CDC42BPA: variants seen among roughly 807,000 people sequenced by gnomAD.
CDC42BPA encodes serine/threonine-protein kinase MRCK alpha.
Under a neutral mutation model 223.5 loss-of-function variants are expected in CDC42BPA, and 80 were observed. That is an observed-to-expected ratio of 0.36 (90% confidence interval 0.30 to 0.43). CDC42BPA has a LOEUF of 0.43. Among genes scored for constraint, CDC42BPA ranks in the 20% least tolerant of loss-of-function variants. The pLI is 1.00. For missense variants in CDC42BPA, 1,743 were observed against 2,099.9 expected (o/e 0.83, Z 3.32); for synonymous variants, 694 against 718.6 (o/e 0.97, Z 0.55).
intron 35 of CDC42BPA, among the ~76,000 whole-genome samples, chr1:226,999,608 C>T (rs1460551758): frequency 6.6e-6 from 1 of 152,098 alleles, no homozygotes; most frequent in Non-Finnish European, 1.5e-5. Flanking sequence ...GGTATATACT[C>T]AAAGGATTAT....
intron 1 of CDC42BPA, among the ~76,000 whole-genome samples, chr1:227,262,229 T>C (rs1684202805): frequency 6.6e-6 from 1 of 151,996 alleles, no homozygotes; most frequent in Non-Finnish European, 1.5e-5. Context: ...GAACAGAGAT[T>C]TGAAAATTAA....
chr1:227,020,313 C>T (rs1667132871), intron 32 of CDC42BPA, among the ~76,000 whole-genome samples: 1 of 152,190 alleles, frequency 6.6e-6, no homozygotes, highest in Non-Finnish European at 1.5e-5. Flanking sequence ...CCTTTGAAGC[C>T]AGACATTGAC....
intron 21 of CDC42BPA, 24 bp downstream of exon 21, chr1:227,069,753 A>G: frequency 6.6e-7 from 1 of 1,505,028 alleles, no homozygotes; most frequent in Non-Finnish European, 9.2e-7. Flanking sequence ...ACCCCAGAGG[A>G]TATGTGACAT....
rs1660954284 is a variant in CDC42BPA, at chr1:226,993,151, TCG to T, written c.*1115_*1116del. On this transcript the variant is annotated 3_prime_UTR_variant, in exon 37 of 37. Transcript: ENST00000366766. ...CATCTCCAGCCCTGGGACAGACACCTCGCTGTGACTTAGGGAGGGACAGGATT... is the reference window on the plus strand; with the variant it reads ...CATCTCCAGCCCTGGGACAGACACCTCTGTGACTTAGGGAGGGACAGGATT... 6.6e-6 allele frequency: 1 copy of T among 152,248 alleles called. No individual in the cohort carries two copies. Among genetic ancestry groups the T allele is most frequent in the Non-Finnish European group, 1.5e-5 (1 of 68,042 alleles). The allele number at this position is 152,248 out of a possible 1,614,324, so 9.4% of individuals were successfully genotyped here. A position where few individuals can be genotyped will look rare whatever the true frequency, so the allele number is the denominator to read the frequency against.
At chr1:227,015,943 C>T (rs1265466571) in intron 34 of CDC42BPA, 137 bp downstream of exon 34, 2 of 621,338 alleles carry the variant, frequency 3.2e-6, no homozygotes, top group Non-Finnish European at 2.9e-6. Context: ...GTATCTTAGA[C>T]ATATTGTGGT....
At chr1:227,194,261 G>A (rs2150156851) in intron 4 of CDC42BPA, among the ~76,000 whole-genome samples, 1 of 152,170 alleles carries the variant, frequency 6.6e-6, no homozygotes, top group Middle Eastern at 3.4e-3. Flanking sequence ...TTAGAAGAAT[G>A]AACATTTGAA....
chr1:227,174,447 G>A (rs897981521), intron 5 of CDC42BPA, among the ~76,000 whole-genome samples: 1 of 152,086 alleles, frequency 6.6e-6, no homozygotes, highest in African/African-American at 2.4e-5. Flanking sequence ...CAAAGCTCTG[G>A]TATAGGCAAA....
intron 16 of CDC42BPA, among the ~76,000 whole-genome samples, chr1:227,086,630 G>A (rs760290788): frequency 5.3e-5 from 8 of 150,740 alleles, no homozygotes; most frequent in Non-Finnish European, 1.0e-4. Flanking sequence ...ATGTCTATTC[G>A]GCTTTGTTAC....
At chr1:227,246,027 T>C (rs1355207831) in intron 2 of CDC42BPA, among the ~76,000 whole-genome samples, 1 of 152,150 alleles carries the variant, frequency 6.6e-6, no homozygotes, top group Admixed American at 6.5e-5. Flanking sequence ...GTCCAGCCTC[T>C]TGGACACCAT....
chr1:227,240,528 T>C (rs898412361), intron 2 of CDC42BPA, among the ~76,000 whole-genome samples: 1 of 151,938 alleles, frequency 6.6e-6, no homozygotes, highest in African/African-American at 2.4e-5. Context: ...TATAAAGCTA[T>C]AGGAATCAAG....
In CDC42BPA at chr1:227,308,116, T is replaced by C. The variant is rs568332845; in HGVS notation, c.178+8889A>G. ...ATACAAATGTATGTTAATAGTAAAA[T>C]AGTTATTTACATCCTTATATTAGTA... On this transcript the variant is annotated intron_variant, in intron 1 of 36. Coordinates refer to ENST00000366766, the MANE Select transcript of CDC42BPA (RefSeq NM_001394014.1). Among the ~76,000 whole-genome samples, 7 of 152,324 alleles carry C rather than the reference T, an allele frequency of 4.6e-5. No individual in the cohort carries two copies. The South Asian group carries it at 6.2e-4, about 14-fold the overall frequency.
chr1:227,208,141 T>G (rs1381297427), intron 3 of CDC42BPA, among the ~76,000 whole-genome samples: 4 of 144,746 alleles, frequency 2.8e-5, no homozygotes, highest in African/African-American at 1.0e-4. Flanking sequence ...TTTTCATGTG[T>G]TTTTTGGCTG....
chr1:227,203,241 A>T (rs965771422), intron 3 of CDC42BPA, among the ~76,000 whole-genome samples: 17 of 152,236 alleles, frequency 1.1e-4, no homozygotes, highest in Non-Finnish European at 4.4e-5. Context: ...CTAGATATAA[A>T]GCACAGGCTA....
chr1:227,246,761 T>C (rs1367121765), intron 2 of CDC42BPA, among the ~76,000 whole-genome samples: 4 of 152,016 alleles, frequency 2.6e-5, no homozygotes, highest in Admixed American at 1.3e-4. Flanking sequence ...AATAAATACC[T>C]AACTCTTCAA....
intron 1 of CDC42BPA, among the ~76,000 whole-genome samples, chr1:227,289,953 C>G (rs1230506235): frequency 6.6e-6 from 1 of 151,376 alleles, no homozygotes; most frequent in Non-Finnish European, 1.5e-5. Context: ...GGGAGGCTCA[C>G]TTGAGCCCAG....
At chr1:227,001,104 C>T (rs961186202) in intron 35 of CDC42BPA, among the ~76,000 whole-genome samples, 1 of 152,188 alleles carries the variant, frequency 6.6e-6, no homozygotes, top group African/African-American at 2.4e-5. Context: ...TGGTGAGCAC[C>T]GCTGTTTCAA....
At chr1:227,064,208 C>G (rs1471141816) in intron 21 of CDC42BPA, among the ~76,000 whole-genome samples, 1 of 152,094 alleles carries the variant, frequency 6.6e-6, no homozygotes, top group Admixed American at 6.6e-5. Context: ...CTCTGAAAAA[C>G]CAAGTTGAGT....
chr1:227,116,164 G>T (rs191079715), intron 12 of CDC42BPA, among the ~76,000 whole-genome samples: 61 of 152,280 alleles, frequency 4.0e-4, no homozygotes, highest in African/African-American at 1.4e-3. Context: ...AGTGCTATTA[G>T]AACAGATATT....
At chr1:227,301,577 C>T (rs1480791809) in intron 1 of CDC42BPA, among the ~76,000 whole-genome samples, 1 of 152,110 alleles carries the variant, frequency 6.6e-6, no homozygotes, top group Non-Finnish European at 1.5e-5. Flanking sequence ...CTAGGATGGT[C>T]TCAATCTCTT....
Sources: gnomAD v4.1 joint callset for allele counts (sites outside exome capture counted in the v4.1 genomes callset) on GRCh38, gnomAD v4.1.1 for gene constraint, MANE v1.5 for transcripts, NCBI Gene and HGNC (gene_info 2026-07-23, HGNC 2026-07-21) for gene names.